ANKH: variants seen among roughly 807,000 people sequenced by gnomAD.
The protein encoded by ANKH is ANKH inorganic pyrophosphate transport regulator.
A neutral mutation model predicts 49.0 loss-of-function variants in ANKH; 15 were observed. The observed-to-expected ratio is 0.31, with a 90% CI of 0.20 to 0.47. The LOEUF is 0.47. Ranked by LOEUF, ANKH falls within the 20% of genes least tolerant of loss-of-function variation. ANKH has a pLI of 1.00. For synonymous variants in ANKH, 273 were observed against 260.0 expected, an observed-to-expected ratio of 1.05 and a Z score of -0.48; for missense variants, 429 against 652.0, an observed-to-expected ratio of 0.66 and a Z score of 3.72.
At chr5:14,717,553 C>A (rs1353696465) in intron 8 of ANKH, among the ~76,000 whole-genome samples, 2 of 152,216 alleles carry the variant, frequency 1.3e-5, no homozygotes, top group African/African-American at 4.8e-5. Flanking sequence ...GGGTCCAGAG[C>A]AGGATGGCTG....
At chr5:14,857,342 G>A (rs565387395) in intron 1 of ANKH, among the ~76,000 whole-genome samples, 1 of 152,268 alleles carries the variant, frequency 6.6e-6, no homozygotes, top group East Asian at 1.9e-4. Flanking sequence ...AAAGTCCAGA[G>A]GCAGTTTAAA....
At chr5:14,857,747 G>A (rs1580121244) in intron 1 of ANKH, among the ~76,000 whole-genome samples, 2 of 152,232 alleles carry the variant, frequency 1.3e-5, no homozygotes, top group East Asian at 3.8e-4. Flanking sequence ...TCAACATGGT[G>A]TGGCTGGAGA....
At position 14,704,993 on chromosome 5, in the gene ANKH, G is replaced by A. The variant is rs1279695426; in HGVS notation, c.*6204C>T. ...AAGCGACATGTATTTTATACTGACC[G>A]CTGTAGTCAATTTTAATCAAAAACT... On this transcript the variant is annotated 3_prime_UTR_variant, in exon 12 of 12. Coordinates refer to ENST00000284268, the MANE Select transcript of ANKH (RefSeq NM_054027.6). The A allele has an allele frequency of 1.3e-5, 2 of 152,056 alleles. No individual in the cohort carries two copies. The highest frequency in any genetic ancestry group is 2.4e-5 in the African/African-American group (1 of 41,388). 9.4% of individuals were successfully genotyped at this position (152,056 alleles called of 1,614,324 possible). A position where few individuals can be genotyped will look rare whatever the true frequency, so the allele number is the denominator to read the frequency against.
intron 8 of ANKH, among the ~76,000 whole-genome samples, chr5:14,739,008 C>G (rs1738271540): frequency 6.6e-6 from 1 of 152,186 alleles, no homozygotes; most frequent in Non-Finnish European, 1.5e-5. Context: ...ATTGCAGACC[C>G]TGCCTCATGA....
At chr5:14,859,726 C>T (rs576777958) in intron 1 of ANKH, among the ~76,000 whole-genome samples, 3 of 152,340 alleles carry the variant, frequency 2.0e-5, no homozygotes, top group African/African-American at 7.2e-5. Flanking sequence ...GTCCCATATC[C>T]TCATGGTGTG....
At chr5:14,851,749 C>T (rs1456391732) in intron 1 of ANKH, among the ~76,000 whole-genome samples, 1 of 152,176 alleles carries the variant, frequency 6.6e-6, no homozygotes, top group Non-Finnish European at 1.5e-5. Flanking sequence ...ATGTAACATA[C>T]AAAATTGATA....
At chr5:14,758,184 G>C (rs776474816) in intron 3 of ANKH, among the ~76,000 whole-genome samples, 1 of 152,178 alleles carries the variant, frequency 6.6e-6, no homozygotes, top group Admixed American at 6.5e-5. Flanking sequence ...AAGTACAAAC[G>C]CTGTATGATT....
chr5:14,817,620 C>T (rs986289270), intron 1 of ANKH, among the ~76,000 whole-genome samples: 1 of 152,148 alleles, frequency 6.6e-6, no homozygotes, highest in Non-Finnish European at 1.5e-5. Flanking sequence ...CATCTGCCAT[C>T]ACTTCTGATG....
intron 1 of ANKH, among the ~76,000 whole-genome samples, chr5:14,772,481 CTAA>C (rs1739476675): frequency 6.6e-6 from 1 of 152,110 alleles, no homozygotes; most frequent in South Asian, 2.1e-4. Context: ...CTTTTTTCCA[CTAA>C]TAACGGTGAA....
Position 14,845,367 on chromosome 5 carries a change from T to TATA in ANKH, c.96+25984_96+25985insTAT, listed in dbSNP as rs201739117. Among the ~76,000 whole-genome samples, 659 of 83,306 alleles carry TATA rather than the reference T, an allele frequency of 7.9e-3. 4 individuals are homozygous for TATA. Among genetic ancestry groups the TATA allele is most frequent in the Middle Eastern group, 0.029 (5 of 172 alleles). 54.7% of individuals were successfully genotyped at this position (83,306 alleles called of 152,430 possible). On this transcript the variant is annotated intron_variant, in intron 1 of 11. Coordinates refer to ENST00000284268, the MANE Select transcript of ANKH (RefSeq NM_054027.6). ...TCATGTGTATATATATATATATATA[T>TATA]TTTTTTTTTTACCTTTCTGGTTTTA...
chr5:14,709,746 A>G lies in ANKH; in HGVS notation c.*1451T>C, dbSNP rs1224951926. ...GACGGACTTTATAAAACTGCTGCCAATAAGGTACAATGTTCATTGATACAA... is the reference window on the plus strand; with the variant it reads ...GACGGACTTTATAAAACTGCTGCCAGTAAGGTACAATGTTCATTGATACAA... On this transcript the variant is annotated 3_prime_UTR_variant, in exon 12 of 12. Transcript: ENST00000284268. The G allele has an allele frequency of 6.6e-6, 1 of 152,646 alleles. No individual in the cohort carries two copies. The highest frequency in any genetic ancestry group is 2.4e-5 in the African/African-American group (1 of 41,446). 9.5% of individuals were successfully genotyped at this position (152,646 alleles called of 1,614,324 possible). A position where few individuals can be genotyped will look rare whatever the true frequency, so the allele number is the denominator to read the frequency against.
intron 1 of ANKH, among the ~76,000 whole-genome samples, chr5:14,788,711 C>T (rs946420156): frequency 6.6e-6 from 1 of 152,126 alleles, no homozygotes; most frequent in Non-Finnish European, 1.5e-5. Context: ...GAGAGAAATA[C>T]ACAGAGAAGG....
chr5:14,783,476 T>TTATTGATGCACAGTATTC (rs1339609233), intron 1 of ANKH, among the ~76,000 whole-genome samples: 1 of 152,338 alleles, frequency 6.6e-6, no homozygotes, highest in African/African-American at 2.4e-5. Context: ...TTGGTTTAAA[T>TTATTGATGCACAGTATTC]TATTGATGCA....
At chr5:14,830,213 T>C (rs1376921411) in intron 1 of ANKH, among the ~76,000 whole-genome samples, 9 of 152,226 alleles carry the variant, frequency 5.9e-5, no homozygotes, top group Admixed American at 5.9e-4. Flanking sequence ...TCTGTGTATT[T>C]GAGGCTGCCT....
rs1323289208 is a variant in ANKH, at chr5:14,711,084, A to G, written c.*113T>C. The G allele has an allele frequency of 1.3e-5, 12 of 958,152 alleles. No homozygotes were observed. The South Asian group carries it at 1.4e-4, about 11-fold the overall frequency. 59.4% of individuals were successfully genotyped at this position (958,152 alleles called of 1,614,324 possible). On this transcript the variant is annotated 3_prime_UTR_variant, in exon 12 of 12. Coordinates refer to ENST00000284268, the MANE Select transcript of ANKH (RefSeq NM_054027.6). Reference sequence around the variant, plus strand: ...AAACCTTTAAATCAAGGCCTCTTTCATTACCAAAACAAAACAAAAAAAAGG... The same window carrying G: ...AAACCTTTAAATCAAGGCCTCTTTCGTTACCAAAACAAAACAAAAAAAAGG...
chr5:14,786,508 C>T (rs562558918), intron 1 of ANKH, among the ~76,000 whole-genome samples: 1 of 152,268 alleles, frequency 6.6e-6, no homozygotes, highest in South Asian at 2.1e-4. Context: ...GTGAGGGGCA[C>T]TTGCCTTAGC....
intron 8 of ANKH, among the ~76,000 whole-genome samples, chr5:14,731,453 CA>C (rs1737999425): frequency 6.6e-6 from 1 of 152,016 alleles, no homozygotes; most frequent in South Asian, 2.1e-4. Context: ...AAAGAGCTGC[CA>C]GGGGCCGGGG....
chr5:14,789,999 C>G (rs772948880), intron 1 of ANKH, among the ~76,000 whole-genome samples: 1 of 152,202 alleles, frequency 6.6e-6, no homozygotes, highest in East Asian at 1.9e-4. Context: ...CGTGAGCCAC[C>G]AGGCCCAGCT....
intron 1 of ANKH, among the ~76,000 whole-genome samples, chr5:14,850,601 C>G (rs556245174): frequency 2.0e-5 from 3 of 152,342 alleles, no homozygotes; most frequent in African/African-American, 7.2e-5. Context: ...CAGAGTGTGG[C>G]AGTGCCAACA....
Sources: allele counts gnomAD v4.1 joint callset (sites outside exome capture counted in the v4.1 genomes callset), GRCh38; gene constraint gnomAD v4.1.1; transcripts MANE v1.5; gene names NCBI Gene and HGNC (gene_info 2026-07-23, HGNC 2026-07-21).